ANKHD1: variants seen among roughly 807,000 people sequenced by gnomAD.
ANKHD1 encodes ankyrin repeat and KH domain containing 1.
A neutral mutation model predicts 230.5 loss-of-function variants in ANKHD1; 31 were observed. The observed-to-expected ratio is 0.13, with a 90% CI of 0.10 to 0.18. The LOEUF is 0.18. ANKHD1 is among the 10% of genes least tolerant of loss of function. The pLI is 1.00. For synonymous variants in ANKHD1, 1,074 were observed against 1,117.6 expected, an observed-to-expected ratio of 0.96 and a Z score of 0.78; for missense variants, 2,256 against 3,071.3, an observed-to-expected ratio of 0.73 and a Z score of 6.27.
chr5:140,435,277 T>TTTGTTG lies in ANKHD1; in HGVS notation c.307-803_307-798dup, dbSNP rs547185638. 3.9e-3 allele frequency among the ~76,000 whole-genome samples: 594 copies of TTTGTTG among 151,682 alleles called. 4 individuals are homozygous for TTTGTTG. Among genetic ancestry groups the TTTGTTG allele is most frequent in the South Asian group, 0.022 (106 of 4,786 alleles). On this transcript the variant is annotated intron_variant, in intron 1 of 33. Coordinates refer to ENST00000360839, the MANE Select transcript of ANKHD1 (RefSeq NM_017747.3). ...TTAATGACCTATCTATGCTATCAAG[T>TTTGTTG]TTGTTGTTGTTGTTGTTGTTGTTGT...
rs749974307 is a variant in ANKHD1 at position 140,458,881 on chromosome 5, T to C, written c.1480+19T>C. 10 of 1,573,868 alleles carry C rather than the reference T, an allele frequency of 6.4e-6. No individual in the cohort carries two copies. The highest frequency in any genetic ancestry group is 8.6e-6 in the Non-Finnish European group (10 of 1,157,086). ...GCACAAGGTAAAGCAGTTTTACTTC[T>C]TTTAGAAAAATCAGTTTTCTTTGGA... On this transcript the variant is annotated intron_variant, in intron 8 of 33. Transcript: ENST00000360839.
At chr5:140,421,941 G>T (rs904294200) in intron 1 of ANKHD1, among the ~76,000 whole-genome samples, 1 of 152,116 alleles carries the variant, frequency 6.6e-6, no homozygotes, top group Non-Finnish European at 1.5e-5. Context: ...ATAGTATCAC[G>T]AGTACTATTG....
chr5:140,419,242 A>G (rs1435678861), intron 1 of ANKHD1, among the ~76,000 whole-genome samples: 1 of 150,170 alleles, frequency 6.7e-6, no homozygotes, highest in African/African-American at 2.5e-5. Context: ...GCATCTTTTC[A>G]TGTGCTTATT....
intron 14 of ANKHD1, among the ~76,000 whole-genome samples, chr5:140,492,159 G>A (rs1358170088): frequency 6.6e-6 from 1 of 152,000 alleles, no homozygotes; most frequent in Non-Finnish European, 1.5e-5. Flanking sequence ...TACAGTGAAT[G>A]GTATTCAGTA....
intron 15 of ANKHD1, among the ~76,000 whole-genome samples, chr5:140,502,639 T>G (rs995121848): frequency 6.6e-6 from 1 of 152,204 alleles, no homozygotes; most frequent in African/African-American, 2.4e-5. Context: ...AGAAAGGTTC[T>G]GTAACATATT....
intron 10 of ANKHD1, among the ~76,000 whole-genome samples, chr5:140,468,052 C>CTTTTTTATTTT (rs1776223783): frequency 1.9e-5 from 1 of 52,380 alleles, no homozygotes; most frequent in Non-Finnish European, 3.2e-5. Context: ...TGTACTAATT[C>CTTTTTTATTTT]TTTTTTTTTT....
In ANKHD1 at chr5:140,526,447, A is replaced by C. The variant is rs918961835; in HGVS notation, c.4940+4A>C. ...CTACTTCCAAAACTCAGACACGGTA[A>C]ATTTTTCTGATTTGTTAACTCTACC... On this transcript the variant is annotated splice_donor_region_variant and intron_variant, in intron 26 of 33. Transcript: ENST00000360839. 3 of 1,598,376 alleles carry C rather than the reference A, an allele frequency of 1.9e-6. No individual in the cohort carries two copies. The Admixed American group carries it at 5.3e-5, about 28-fold the overall frequency.
intron 24 of ANKHD1, among the ~76,000 whole-genome samples, chr5:140,517,170 A>G (rs1477817585): frequency 4.1e-5 from 6 of 147,414 alleles, no homozygotes; most frequent in Middle Eastern, 3.4e-3. Context: ...CTTTAAACCA[A>G]CAAAGATCAA....
In ANKHD1 at chr5:140,496,926, A is replaced by C; in HGVS notation, c.2652A>C (p.Gly884=). The change falls in exon 15 of 34, where the codon GGA becomes GGC. Residue 884 remains glycine, a synonymous_variant. Coordinates refer to ENST00000360839, the MANE Select transcript of ANKHD1 (RefSeq NM_017747.3). Reference sequence around the variant, plus strand: ...GAGGAGTCTTCCCAGAAGGGGAAGGAGATGGTAGTCTCCCAGAGGATCACT... The same window carrying C: ...GAGGAGTCTTCCCAGAAGGGGAAGGCGATGGTAGTCTCCCAGAGGATCACT... ...SHRGVFPEGE[G]DGSLPEDHFS... is the part of the protein sequence containing the mutation. 6.2e-7 allele frequency: 1 copy of C among 1,614,192 alleles called. No homozygotes were observed. Among genetic ancestry groups the C allele is most frequent in the Non-Finnish European group, 8.5e-7 (1 of 1,180,026 alleles).
intron 9 of ANKHD1, among the ~76,000 whole-genome samples, chr5:140,459,992 T>C (rs1459586508): frequency 6.6e-6 from 1 of 152,162 alleles, no homozygotes; most frequent in Non-Finnish European, 1.5e-5. Context: ...TCGTTCACCT[T>C]CTTTCTCCGT....
chr5:140,518,657 C>A (rs913851444), intron 24 of ANKHD1, among the ~76,000 whole-genome samples: 3 of 152,146 alleles, frequency 2.0e-5, no homozygotes, highest in African/African-American at 7.2e-5. Flanking sequence ...TAAAAGTAAT[C>A]CAGCATATAA....
At chr5:140,434,597 TAAG>T (rs1329896238) in intron 1 of ANKHD1, among the ~76,000 whole-genome samples, 1 of 151,780 alleles carries the variant, frequency 6.6e-6, no homozygotes, top group Non-Finnish European at 1.5e-5. Context: ...TTTAGCAAAA[TAAG>T]AATCATACTG....
At chr5:140,514,878 G>A (rs899811681) in intron 24 of ANKHD1, among the ~76,000 whole-genome samples, 5 of 151,584 alleles carry the variant, frequency 3.3e-5, no homozygotes, top group East Asian at 2.0e-4. Context: ...AGGCTGAGGC[G>A]AGAGGATCTC....
chr5:140,479,180 T>C (rs1449538536), intron 10 of ANKHD1, among the ~76,000 whole-genome samples: 1 of 151,288 alleles, frequency 6.6e-6, no homozygotes, highest in African/African-American at 2.4e-5. Context: ...TTTTTTTTTG[T>C]ATTTTACGGG....
intron 1 of ANKHD1, among the ~76,000 whole-genome samples, chr5:140,407,960 T>C (rs1221983034): frequency 6.6e-6 from 1 of 152,178 alleles, no homozygotes; most frequent in African/African-American, 2.4e-5. Context: ...ATGGATCATC[T>C]GAGGTCAGGA....
chr5:140,485,959 A>C lies in ANKHD1; in HGVS notation c.2142+227A>C, dbSNP rs1043515609. On this transcript the variant is annotated intron_variant, in intron 13 of 33. Transcript: ENST00000360839. This position sits in a 1 kb window ranked among gnomAD's most constrained non-coding sequence, Gnocchi z 4.8. ...TGGTTTTTAAAAACCACTTAATATC[A>C]AATATAAACGTAAGTATTCTAAGTT... The C allele has an allele frequency of 9.1e-6, 5 of 547,534 alleles. No individual in the cohort carries two copies. In the Admixed American group the frequency reaches 2.0e-4, roughly 21 times the overall value. 33.9% of individuals were successfully genotyped at this position (547,534 alleles called of 1,614,324 possible).
intron 24 of ANKHD1, among the ~76,000 whole-genome samples, chr5:140,516,975 A>G (rs868469039): frequency 1.2e-4 from 19 of 152,226 alleles, no homozygotes; most frequent in African/African-American, 4.6e-4. Context: ...AAATGCTCCA[A>G]TTAAAAGACA....
chr5:140,426,668 C>G (rs1441257805), intron 1 of ANKHD1, among the ~76,000 whole-genome samples: 8 of 152,114 alleles, frequency 5.3e-5, no homozygotes, highest in Admixed American at 5.2e-4. Context: ...CTGCGGCCTT[C>G]CGCAGTGTTT....
At chr5:140,418,065 C>G (rs906567055) in intron 1 of ANKHD1, among the ~76,000 whole-genome samples, 4 of 151,590 alleles carry the variant, frequency 2.6e-5, no homozygotes, top group African/African-American at 7.3e-5. Flanking sequence ...CAGTCTCAAA[C>G]TCCCGACCTC....
Sources: allele counts gnomAD v4.1 joint callset (sites outside exome capture counted in the v4.1 genomes callset), GRCh38; gene constraint gnomAD v4.1.1; non-coding constraint Gnocchi (gnomAD v3.1); transcripts MANE v1.5; gene names NCBI Gene and HGNC (gene_info 2026-07-23, HGNC 2026-07-21).